Variants in ADAMTSL3 observed in about 807,000 individuals in gnomAD.
ADAMTSL3 encodes the protein ADAMTS like 3.
In ADAMTSL3, 128 loss-of-function variants were observed where a neutral mutation model predicts 201.7. The ratio of observed to expected loss-of-function variants is 0.63; its 90% confidence interval spans 0.55 to 0.73. The LOEUF (loss-of-function observed/expected upper bound fraction) is 0.73, where lower values mean the gene tolerates loss of function less well. Ranked by LOEUF, ADAMTSL3 falls within the 30% of genes least tolerant of loss-of-function variation. ADAMTSL3 has a pLI of 0.00. For synonymous variants in ADAMTSL3, 738 were observed against 748.4 expected (o/e 0.99, Z 0.23); for missense variants, 1,990 against 2,119.6 (o/e 0.94, Z 1.20).
At chr15:83,835,620 A>G (rs994972849) in intron 6 of ADAMTSL3, among the ~76,000 whole-genome samples, 1 of 152,184 alleles carries the variant, frequency 6.6e-6, no homozygotes, top group Admixed American at 6.5e-5. Context: ...TGAATGTGTG[A>G]GGACAGAGTT....
rs943299050 is a variant in ADAMTSL3, at chr15:83,782,171, A to G, written c.317+8521A>G. Among the ~76,000 whole-genome samples, 6 of 152,298 alleles carry G rather than the reference A, an allele frequency of 3.9e-5. No individual in the cohort carries two copies. In the East Asian group the frequency reaches 1.2e-3, roughly 29 times the overall value. ...AATAGCAAAGACATGGAATCAACCT[A>G]AATTCCCATCACTTAAAGACTGGGG... On this transcript the variant is annotated intron_variant, in intron 4 of 29. Transcript: ENST00000286744.
chr15:83,708,766 A>G (rs1413481534), intron 3 of ADAMTSL3, among the ~76,000 whole-genome samples: 1 of 152,220 alleles, frequency 6.6e-6, no homozygotes, highest in Non-Finnish European at 1.5e-5. Context: ...TGTTAATTGG[A>G]TCATTCTGAT....
chr15:83,668,227 A>G (rs1595993945), intron 2 of ADAMTSL3, among the ~76,000 whole-genome samples: 1 of 152,322 alleles, frequency 6.6e-6, no homozygotes, highest in African/African-American at 2.4e-5. Flanking sequence ...GGCCCAACAT[A>G]TGCATAGTTA....
intron 4 of ADAMTSL3, among the ~76,000 whole-genome samples, chr15:83,801,651 A>AATATAAATATAAAT (rs1555445598): frequency 2.2e-4 from 7 of 31,262 alleles, no homozygotes; most frequent in African/African-American, 5.6e-4. Context: ...TATAAATATA[A>AATATAAATATAAAT]ATATATATAT....
rs997917173 is a variant in ADAMTSL3 at position 84,036,605 on chromosome 15, G to A, written c.4755-168G>A. Among the ~76,000 whole-genome samples the A allele has an allele frequency of 7.2e-5, 11 of 152,280 alleles. No homozygotes were observed. In the East Asian group the frequency reaches 7.7e-4, roughly 11 times the overall value. On this transcript the variant is annotated intron_variant, in intron 28 of 29. Coordinates refer to ENST00000286744, the MANE Select transcript of ADAMTSL3 (RefSeq NM_207517.3). ...GGTGGTGGAGAATGTTGTCACTGTC[G>A]TTCTAGCCTGTATGGCATAAAAGCA...
At chr15:83,656,733 A>G (rs2061089495) in intron 2 of ADAMTSL3, among the ~76,000 whole-genome samples, 1 of 152,202 alleles carries the variant, frequency 6.6e-6, no homozygotes, top group Admixed American at 6.5e-5. Flanking sequence ...CCCTGCAGAC[A>G]TAGCTTCTCA....
intron 3 of ADAMTSL3, among the ~76,000 whole-genome samples, chr15:83,707,397 T>C (rs2061868231): frequency 6.6e-6 from 1 of 152,222 alleles, no homozygotes; most frequent in Admixed American, 6.5e-5. Context: ...AAGGAAGAAG[T>C]TAATTCTTAC....
chr15:83,683,404 C>T (rs909534170), intron 2 of ADAMTSL3, among the ~76,000 whole-genome samples: 2 of 152,180 alleles, frequency 1.3e-5, no homozygotes, highest in African/African-American at 2.4e-5. Context: ...AAAGTCTTTC[C>T]CAATCCTCCC....
intron 3 of ADAMTSL3, among the ~76,000 whole-genome samples, chr15:83,713,960 T>C (rs1209289753): frequency 6.6e-6 from 1 of 152,122 alleles, no homozygotes; most frequent in Admixed American, 6.6e-5. Context: ...ATTTCTTGGT[T>C]CTGGACTTTG....
chr15:83,844,166 G>T (rs561574677), intron 7 of ADAMTSL3, among the ~76,000 whole-genome samples: 1 of 152,130 alleles, frequency 6.6e-6, no homozygotes, highest in South Asian at 2.1e-4. Context: ...TTACATGGTG[G>T]CAGCCAAGCC....
intron 27 of ADAMTSL3, 171 bp downstream of exon 27, chr15:84,025,607 T>A: frequency 1.5e-6 from 1 of 651,484 alleles, no homozygotes; most frequent in Non-Finnish European, 2.5e-6. Flanking sequence ...GAAATCATAG[T>A]ATCTCTGTCT....
chr15:83,660,741 C>G (rs28539036), intron 2 of ADAMTSL3, among the ~76,000 whole-genome samples: 1 of 152,116 alleles, frequency 6.6e-6, no homozygotes, highest in African/African-American at 2.4e-5. Context: ...TGCCTGTTCC[C>G]TCTGATGGTA....
Position 83,838,106 on chromosome 15 carries a change from G to C in ADAMTSL3, c.618G>C (p.Arg206=). 6.2e-7 allele frequency: 1 copy of C among 1,610,174 alleles called. No individual in the cohort carries two copies. Among genetic ancestry groups the C allele is most frequent in the Non-Finnish European group, 8.5e-7 (1 of 1,178,568 alleles). The change falls in exon 7 of 30, where the codon CGG becomes CGC. Residue 206 remains arginine, a synonymous_variant. Coordinates refer to ENST00000286744, the MANE Select transcript of ADAMTSL3 (RefSeq NM_207517.3). ...SGICQAVGCD[R]QLGSNAKEDN... Reference sequence around the variant, plus strand: ...GTTGGCAGGCAGTGGGCTGCGATCGGCAACTGGGAAGCAATGCCAAGGAGG... The same window carrying C: ...GTTGGCAGGCAGTGGGCTGCGATCGCCAACTGGGAAGCAATGCCAAGGAGG...
chr15:83,701,014 G>C (rs1001140931), intron 2 of ADAMTSL3, among the ~76,000 whole-genome samples: 4 of 152,178 alleles, frequency 2.6e-5, no homozygotes, highest in African/African-American at 9.7e-5. Flanking sequence ...TATAGTTCCT[G>C]CTGCAGTTTG....
At position 84,039,570 on chromosome 15, in the gene ADAMTSL3, A is replaced by G. The variant is rs1411722124; in HGVS notation, c.*1764A>G. On this transcript the variant is annotated 3_prime_UTR_variant, in exon 30 of 30. Transcript: ENST00000286744. ...ATATATTTATTATATGAAAGGTGCA[A>G]TATTTTATTTTGTACAGTATGTAAT... 6.6e-6 allele frequency: 1 copy of G among 152,644 alleles called. No homozygotes were observed. Among genetic ancestry groups the G allele is most frequent in the Non-Finnish European group, 1.5e-5 (1 of 68,042 alleles). The allele number at this position is 152,644 out of a possible 1,614,324, so 9.5% of individuals were successfully genotyped here.
chr15:84,000,480 A>C (rs1319218266), intron 23 of ADAMTSL3, among the ~76,000 whole-genome samples: 3 of 152,190 alleles, frequency 2.0e-5, no homozygotes, highest in Non-Finnish European at 4.4e-5. Context: ...AATTCCATCC[A>C]TCTTTTCTTC....
intron 2 of ADAMTSL3, among the ~76,000 whole-genome samples, chr15:83,669,160 T>A (rs1392780742): frequency 2.0e-5 from 3 of 152,170 alleles, no homozygotes; most frequent in South Asian, 2.1e-4. Context: ...TTATTTATTT[T>A]TTTTAGACGG....
At chr15:83,922,518 A>T (rs1025145058) in intron 16 of ADAMTSL3, among the ~76,000 whole-genome samples, 1 of 152,234 alleles carries the variant, frequency 6.6e-6, no homozygotes, top group Non-Finnish European at 1.5e-5. Flanking sequence ...GAAAATGAAC[A>T]CTTAAACCTC....
intron 2 of ADAMTSL3, among the ~76,000 whole-genome samples, chr15:83,683,281 C>A (rs2061497494): frequency 6.6e-6 from 1 of 152,052 alleles, no homozygotes; most frequent in Admixed American, 6.6e-5. Context: ...TGTAGTCAAA[C>A]TGAACTTGCA....
Sources: gnomAD v4.1 joint callset for allele counts (sites outside exome capture counted in the v4.1 genomes callset) on GRCh38, gnomAD v4.1.1 for gene constraint, MANE v1.5 for transcripts, NCBI Gene and HGNC (gene_info 2026-07-23, HGNC 2026-07-21) for gene names.